ADAMTS2: variants seen among roughly 807,000 people sequenced by gnomAD.
ADAMTS2 encodes the protein ADAM metallopeptidase with thrombospondin type 1 motif 2.
Under a neutral mutation model 123.0 loss-of-function variants are expected in ADAMTS2, and 50 were observed. The observed-to-expected ratio is 0.41, with a 90% confidence interval of 0.32 to 0.51. ADAMTS2 has a LOEUF of 0.51. Among genes scored for constraint, ADAMTS2 ranks in the 20% least tolerant of loss-of-function variants. The pLI is 0.35. For synonymous variants in ADAMTS2, 678 were observed against 695.4 expected, an observed-to-expected ratio of 0.98 and a Z score of 0.39; for missense variants, 1,494 against 1,705.2, an observed-to-expected ratio of 0.88 and a Z score of 2.18.
chr5:179,337,534 A>G (rs1482465443), intron 2 of ADAMTS2, among the ~76,000 whole-genome samples: 1 of 152,204 alleles, frequency 6.6e-6, no homozygotes, highest in African/African-American at 2.4e-5. Context: ...ACACGTCCAC[A>G]TGCAGCCACC....
rs77037166 is a variant in ADAMTS2, at chr5:179,158,324, G to A, written c.1132+399C>T. Among the ~76,000 whole-genome samples the A allele has an allele frequency of 0.016, 2,436 of 152,166 alleles. 61 individuals carry two copies. Among genetic ancestry groups the A allele is most frequent in the African/African-American group, 0.056 (2,303 of 41,486 alleles). ...CAAGAACATGGAGCCATCCACCTAC[G>A]TTATCTTCTTTCATTATTTTGCGTT... On this transcript the variant is annotated intron_variant, in intron 6 of 21. Coordinates refer to ENST00000251582, the MANE Select transcript of ADAMTS2 (RefSeq NM_014244.5). The surrounding 1 kb of genome is among the most constrained non-coding windows in gnomAD (Gnocchi z 5.0).
In ADAMTS2 at chr5:179,345,258, G is replaced by GGCAGCAGCAGCAGCAGCGGCGGCGGCA; in HGVS notation, c.70_71insTGCCGCCGCCGCTGCTGCTGCTGCTGC (p.Leu23_Pro24insLeuProProProLeuLeuLeuLeuLeu). 1 of 1,136,324 alleles carries GGCAGCAGCAGCAGCAGCGGCGGCGGCA rather than the reference G, an allele frequency of 8.8e-7. No individual in the cohort carries two copies. The allele number at this position is 1,136,324 out of a possible 1,614,324, so 70.4% of individuals were successfully genotyped here. A position where few individuals can be genotyped will look rare whatever the true frequency, so the allele number is the denominator to read the frequency against. On this transcript the variant is annotated inframe_insertion, in exon 1 of 22. Coordinates refer to ENST00000251582, the MANE Select transcript of ADAMTS2 (RefSeq NM_014244.5). This position sits in a 1 kb window ranked among gnomAD's most constrained non-coding sequence, Gnocchi z 7.5. ...CGGCGGCGGCGGCAGGAGCGGCGGC[G>GGCAGCAGCAGCAGCAGCGGCGGCGGCA]GCAGCAGCAGCAGCAGCAGCAGCAG...
At chr5:179,227,746 G>A (rs1211945014) in intron 3 of ADAMTS2, among the ~76,000 whole-genome samples, 1 of 152,176 alleles carries the variant, frequency 6.6e-6, no homozygotes, top group African/African-American at 2.4e-5. Flanking sequence ...GGGCCTGGGA[G>A]TGAGGGAAGC....
At position 179,345,116 on chromosome 5, in the gene ADAMTS2, AG is replaced by A; in HGVS notation, c.139+73del. The A allele has an allele frequency of 2.0e-6, 2 of 1,005,680 alleles. No homozygotes were observed. The highest frequency in any genetic ancestry group is 1.7e-5 in the African/African-American group (1 of 57,352). The allele number at this position is 1,005,680 out of a possible 1,614,324, so 62.3% of individuals were successfully genotyped here. ...AAGTCAGGCTGGACGACGCCTGGGG[AG>A]GGGGCGGCGGGGCACGCGGGACAGG... On this transcript the variant is annotated intron_variant, in intron 1 of 21. Transcript: ENST00000251582. This position sits in a 1 kb window ranked among gnomAD's most constrained non-coding sequence, Gnocchi z 7.5.
intron 2 of ADAMTS2, among the ~76,000 whole-genome samples, chr5:179,337,557 C>G (rs761304902): frequency 4.6e-5 from 7 of 152,222 alleles, no homozygotes; most frequent in Non-Finnish European, 1.0e-4. Flanking sequence ...CCTGCTGTGC[C>G]GGCAGCAACA....
At chr5:179,251,091 C>A (rs368985927) in intron 3 of ADAMTS2, among the ~76,000 whole-genome samples, 4 of 152,222 alleles carry the variant, frequency 2.6e-5, no homozygotes, top group African/African-American at 4.8e-5. Flanking sequence ...GCAGAAAGAG[C>A]CCAATTCTGC....
Position 179,344,118 on chromosome 5 carries a change from G to T in ADAMTS2, c.183C>A (p.Pro61=). The T allele has an allele frequency of 6.2e-7, 1 of 1,607,780 alleles. No individual in the cohort carries two copies. The highest frequency in any genetic ancestry group is 8.5e-7 in the Non-Finnish European group (1 of 1,177,442). Residue 61 remains proline (P), a synonymous_variant, in exon 2 of 22, where the codon CCC becomes CCA. Transcript: ENST00000251582. ...GHGAERILAV[P]VRTDAQGRLV... ...AGCGGCCCTGGGCGTCAGTGCGCAC[G>T]GGCACCGCCAGGATGCGCTCCGCTC...
At chr5:179,216,690 G>A (rs866574947) in intron 3 of ADAMTS2, among the ~76,000 whole-genome samples, 3 of 152,236 alleles carry the variant, frequency 2.0e-5, no homozygotes, top group Admixed American at 6.5e-5. Flanking sequence ...TCCATCCAGC[G>A]GGGGCAGTGC....
Position 179,115,831 on chromosome 5 carries a change from C to T in ADAMTS2, c.3179-1507G>A, listed in dbSNP as rs1270268217. 3.3e-5 allele frequency among the ~76,000 whole-genome samples: 5 copies of T among 152,160 alleles called. No individual in the cohort carries two copies. Among genetic ancestry groups the T allele is most frequent in the East Asian group, 1.9e-4 (1 of 5,184 alleles). ...ACAGACAAGACCCCCTTCCTTCCAT[C>T]GAGGGCCAGTGGTTCTGATGTCCTG... is the stretch of plus-strand genomic sequence containing the variant. On this transcript the variant is annotated intron_variant, in intron 21 of 21. Coordinates refer to ENST00000251582, the MANE Select transcript of ADAMTS2 (RefSeq NM_014244.5). The surrounding 1 kb of genome is among the most constrained non-coding windows in gnomAD (Gnocchi z 4.4).
rs371696989 is a variant in ADAMTS2 at position 179,329,201 on chromosome 5, C to T, written c.534+14566G>A. ...AATTAGCCGGGTGTGGTGGCGGGCG[C>T]CTGTAGTCCCAGCTACTCTTGAGGC... On this transcript the variant is annotated intron_variant, in intron 2 of 21. Coordinates refer to ENST00000251582, the MANE Select transcript of ADAMTS2 (RefSeq NM_014244.5). Among the ~76,000 whole-genome samples, 3 of 152,152 alleles carry T rather than the reference C, an allele frequency of 2.0e-5. No homozygotes were observed. In the East Asian group the frequency reaches 5.8e-4, roughly 29 times the overall value.
Position 179,234,518 on chromosome 5 carries a change from G to A in ADAMTS2, c.689-26803C>T, listed in dbSNP as rs6897842. On this transcript the variant is annotated intron_variant, in intron 3 of 21. Transcript: ENST00000251582. The surrounding 1 kb of genome is among the most constrained non-coding windows in gnomAD (Gnocchi z 4.7). ...ATGGACCTGCTGACAGGTGCCCCCC[G>A]ACCCACCTCCAGCCTGCACCTCCCC... Among the ~76,000 whole-genome samples, 4 of 131,184 alleles carry A rather than the reference G, an allele frequency of 3.0e-5. No homozygotes were observed. Among genetic ancestry groups the A allele is most frequent in the Admixed American group, 1.5e-4 (2 of 13,512 alleles). 86.1% of individuals were successfully genotyped at this position (131,184 alleles called of 152,430 possible).
In ADAMTS2 at chr5:179,189,510, G is replaced by GTTTTTTT. The variant is rs146295427; in HGVS notation, c.892-8362_892-8356dup. ...CTACAGGCGCCCGCCAGTGCGCCTG[G>GTTTTTTT]TTTTTTTTTTTTTTTTTTTTTTTTT... On this transcript the variant is annotated intron_variant, in intron 4 of 21. Transcript: ENST00000251582. The surrounding 1 kb of genome is among the most constrained non-coding windows in gnomAD (Gnocchi z 4.2). Among the ~76,000 whole-genome samples the GTTTTTTT allele has an allele frequency of 4.1e-4, 32 of 78,942 alleles. 1 individual carries two copies. Among genetic ancestry groups the GTTTTTTT allele is most frequent in the South Asian group, 9.1e-4 (2 of 2,196 alleles). 51.8% of individuals were successfully genotyped at this position (78,942 alleles called of 152,430 possible).
At position 179,252,656 on chromosome 5, in the gene ADAMTS2, T is replaced by C. The variant is rs549986320; in HGVS notation, c.688+20255A>G. Among the ~76,000 whole-genome samples, 12 of 152,340 alleles carry C rather than the reference T, an allele frequency of 7.9e-5. No homozygotes were observed. In the East Asian group the frequency reaches 9.6e-4, roughly 12 times the overall value. On this transcript the variant is annotated intron_variant, in intron 3 of 21. Coordinates refer to ENST00000251582, the MANE Select transcript of ADAMTS2 (RefSeq NM_014244.5). ...AGACCTGCTGACACTATTCTTTTAG[T>C]TTCTGTGAGATTTGCACTTAATTGA...
At chr5:179,276,226 C>G (rs1200880912) in intron 2 of ADAMTS2, among the ~76,000 whole-genome samples, 2 of 152,164 alleles carry the variant, frequency 1.3e-5, no homozygotes, top group Non-Finnish European at 2.9e-5. Context: ...GCGGGAAGAA[C>G]ACAGCCAGGC....
At chr5:179,253,876 C>T (rs567295472) in intron 3 of ADAMTS2, among the ~76,000 whole-genome samples, 1 of 152,210 alleles carries the variant, frequency 6.6e-6, no homozygotes, top group Admixed American at 6.5e-5. Flanking sequence ...AGTCCCTGCA[C>T]CAGCTGCTCA....
intron 4 of ADAMTS2, among the ~76,000 whole-genome samples, chr5:179,186,815 C>G (rs1373521601): frequency 6.6e-6 from 1 of 151,212 alleles, no homozygotes; most frequent in Non-Finnish European, 1.5e-5. Context: ...TAGGGCTCCC[C>G]AACGGTCCCC....
rs115740207 is a variant in ADAMTS2, at chr5:179,153,645, G to A, written c.1383-22C>T. On this transcript the variant is annotated intron_variant, in intron 8 of 21. Coordinates refer to ENST00000251582, the MANE Select transcript of ADAMTS2 (RefSeq NM_014244.5). ...GGAGCTGTGGGGGACACACGGTGCC[G>A]CGAGCAGCCTTCAGCGCGGCTGACC... 82,212 of 1,594,956 alleles carry A rather than the reference G, an allele frequency of 0.052. 2,391 individuals are homozygous for A. The highest frequency in any genetic ancestry group is 0.087 in the Admixed American group (5,116 of 59,064).
rs1398174793 is a variant in ADAMTS2, at chr5:179,118,522, C to T, written c.3178+3139G>A. On this transcript the variant is annotated intron_variant, in intron 21 of 21. Transcript: ENST00000251582. The surrounding 1 kb of genome is among the most constrained non-coding windows in gnomAD (Gnocchi z 4.5). ...CTGTAGGCTACTCCCACGATCTTGG[C>T]TACACCTGAACAGCACCTGCATTAT... is the stretch of plus-strand genomic sequence containing the variant. 6.6e-6 allele frequency among the ~76,000 whole-genome samples: 1 copy of T among 152,180 alleles called. No homozygotes were observed. Among genetic ancestry groups the T allele is most frequent in the Non-Finnish European group, 1.5e-5 (1 of 68,036 alleles).
chr5:179,229,361 A>G (rs1581206455), intron 3 of ADAMTS2, among the ~76,000 whole-genome samples: 1 of 94,468 alleles, frequency 1.1e-5, no homozygotes, highest in Non-Finnish European at 2.1e-5. Flanking sequence ...CTCCCGACGG[A>G]GAGGTAATTC....
Sources: gnomAD v4.1 joint callset for allele counts (sites outside exome capture counted in the v4.1 genomes callset) on GRCh38, gnomAD v4.1.1 for gene constraint, Gnocchi (gnomAD v3.1) non-coding constraint, MANE v1.5 for transcripts, NCBI Gene and HGNC (gene_info 2026-07-23, HGNC 2026-07-21) for gene names.